The following AGAP6 variants were observed in gnomAD, a reference collection of about 807,000 sequenced individuals.
The protein encoded by AGAP6 is arf-GAP with GTPase, ANK repeat and PH domain-containing protein 6.
AGAP6 carries 29 observed loss-of-function variants against 63.9 expected under a neutral mutation model. The observed-to-expected ratio is 0.45, with a 90% CI of 0.34 to 0.62. The LOEUF (loss-of-function observed/expected upper bound fraction) is 0.62, where lower values mean the gene tolerates loss of function less well. Ranked by LOEUF, AGAP6 falls within the 20% of genes least tolerant of loss-of-function variation. The pLI, the probability that AGAP6 is intolerant of heterozygous loss-of-function variation, is 0.01. For missense variants in AGAP6, 493 were observed against 884.9 expected, an observed-to-expected ratio of 0.56 and a Z score of 5.62; for synonymous variants, 199 against 332.9, an observed-to-expected ratio of 0.60 and a Z score of 4.38.
chr10:49,991,834 G>A (rs1305108665), intron 3 of AGAP6, 90 bp downstream of exon 3: 5 of 1,565,736 alleles, frequency 3.2e-6, no homozygotes, highest in African/African-American at 2.8e-5. Flanking sequence ...ACTCATATTG[G>A]TTTAAATTTT....
rs1327952922 is a variant in AGAP6, at chr10:49,989,321, C to G, written c.237C>G (p.Asn79Lys). 1.5e-5 allele frequency: 24 copies of G among 1,597,276 alleles called. No homozygotes were observed. The highest frequency in any genetic ancestry group is 1.9e-5 in the Non-Finnish European group (22 of 1,179,752). The change falls in exon 2 of 8, where the codon AAC (asparagine) becomes AAG (lysine). Residue 79 changes from asparagine to lysine, a missense_variant. Asn to Lys is a moderately conservative substitution (Grantham distance 94). This residue lies in a region of AGAP6 where 342 missense variants were observed against 533.4 expected (regional missense o/e 0.64). Coordinates refer to ENST00000412531, the MANE Select transcript of AGAP6 (RefSeq NM_001077665.3). ...DREMPEALEF[N>K]LSANPESSTI... is the part of the protein sequence containing the mutation. ...CTATACATATAGCTTTGGAGTTTAA[C>G]CTTTCTGCCAATCCAGAGTCAAGCA... is the stretch of plus-strand genomic sequence containing the variant.
At chr10:50,008,656 A>C (rs2132165462) in intron 7 of AGAP6, 55 bp from the exon 8 acceptor site, 4 of 1,612,888 alleles carry the variant, frequency 2.5e-6, no homozygotes, top group Non-Finnish European at 3.4e-6. Flanking sequence ...TGTCTATAGG[A>C]CCCTGCAAGC....
intron 3 of AGAP6, among the ~76,000 whole-genome samples, chr10:49,993,153 C>G (rs1367389609): frequency 2.6e-5 from 4 of 152,186 alleles, no homozygotes; most frequent in African/African-American, 9.7e-5. Context: ...ACTGCCATTA[C>G]CCAAACACCT....
chr10:50,006,942 C>T (rs1399565097), intron 6 of AGAP6, among the ~76,000 whole-genome samples: 6 of 151,984 alleles, frequency 3.9e-5, no homozygotes, highest in Non-Finnish European at 8.8e-5. Flanking sequence ...ATTGGTACCA[C>T]TGCCTTGATT....
intron 6 of AGAP6, among the ~76,000 whole-genome samples, chr10:50,004,959 G>A (rs1200169816): frequency 6.6e-6 from 1 of 152,188 alleles, no homozygotes; most frequent in Admixed American, 6.5e-5. Context: ...GAATTATACA[G>A]TTGAAATTTT....
chr10:50,008,315 T>TG (rs1445036557), intron 7 of AGAP6, among the ~76,000 whole-genome samples: 8 of 149,694 alleles, frequency 5.3e-5, no homozygotes, highest in African/African-American at 1.5e-4. Flanking sequence ...TTTTTTTTTT[T>TG]TTTTATGGAC....
At chr10:49,990,374 G>A (rs1452039822) in intron 2 of AGAP6, among the ~76,000 whole-genome samples, 6 of 152,214 alleles carry the variant, frequency 3.9e-5, no homozygotes, top group Non-Finnish European at 8.8e-5. Flanking sequence ...GGACCTGGGA[G>A]GTGGAGGTTG....
intron 7 of AGAP6, 88 bp from the exon 8 acceptor site, chr10:50,008,623 C>A: frequency 6.6e-7 from 1 of 1,526,436 alleles, no homozygotes; most frequent in Non-Finnish European, 8.8e-7. Flanking sequence ...GAAAATGTAT[C>A]TTTTTAAAAG....
At position 49,988,924 on chromosome 10, in the gene AGAP6, G is replaced by A. The variant is rs61848260; in HGVS notation, c.209G>A (p.Arg70Gln). 0.43 allele frequency: 667,175 copies of A among 1,564,866 alleles called. 131,415 individuals are homozygous for A. The highest frequency in any genetic ancestry group is 0.57 in the African/African-American group (40,863 of 72,130). ...EDLHMHHVRD[R>Q]EMPEALEFNL... The stretch of plus-strand genomic sequence containing the variant: ...CTCCACATGCACCACGTTCGTGACC[G>A]GGAGATGCCTGAAGGTGAGGAGGTG... The change falls in exon 1 of 8, where the codon CGG (arginine) becomes CAG (glutamine). Residue 70 changes from arginine (R) to glutamine (Q), a missense_variant. Physicochemically the swap from Arg to Gln is conservative, Grantham distance 43 (BLOSUM62 1). Around this residue, in one of 7 missense-constraint regions of AGAP6, gnomAD observed 342 missense variants for 533.4 expected, o/e 0.64. Transcript: ENST00000412531.
At position 50,009,517 on chromosome 10, in the gene AGAP6, C is replaced by T. The variant is rs1842032242; in HGVS notation, c.1392C>T (p.Ala464=). 1.2e-6 allele frequency: 2 copies of T among 1,613,496 alleles called. No individual in the cohort carries two copies. Among genetic ancestry groups the T allele is most frequent in the East Asian group, 2.2e-5 (1 of 44,880 alleles). ...SKSQLTSQSE[A]MALQSIQNMR... is the part of the protein sequence containing the mutation. ...CCCAGCTGACCAGCCAGAGCGAGGCCATGGCCCTGCAGTCGATCCAAAACA... is the reference window on the plus strand; with the variant it reads ...CCCAGCTGACCAGCCAGAGCGAGGCTATGGCCCTGCAGTCGATCCAAAACA... The change falls in exon 8 of 8, where the codon GCC becomes GCT. Residue 464 remains alanine, a synonymous_variant. Coordinates refer to ENST00000412531, the MANE Select transcript of AGAP6 (RefSeq NM_001077665.3).
intron 2 of AGAP6, among the ~76,000 whole-genome samples, chr10:49,990,282 A>G (rs1165997452): frequency 2.0e-5 from 3 of 152,086 alleles, no homozygotes; most frequent in Non-Finnish European, 4.4e-5. Context: ...CTACTAAAAA[A>G]AAAAATACAA....
chr10:49,992,459 C>T (rs746150256), intron 3 of AGAP6, among the ~76,000 whole-genome samples: 13 of 152,126 alleles, frequency 8.5e-5, no homozygotes, highest in East Asian at 1.9e-4. Context: ...CAGTAAAACA[C>T]GGGAGTTTGC....
In AGAP6 at chr10:49,998,834, A is replaced by G. The variant is rs1214895354; in HGVS notation, c.397-3162A>G. Among the ~76,000 whole-genome samples, 2 of 138,726 alleles carry G rather than the reference A, an allele frequency of 1.4e-5. 1 individual carries two copies. The highest frequency in any genetic ancestry group is 5.5e-5 in the African/African-American group (2 of 36,180). The allele number at this position is 138,726 out of a possible 152,430, so 91.0% of individuals were successfully genotyped here. On this transcript the variant is annotated intron_variant, in intron 4 of 7. Transcript: ENST00000412531. ...TGGTCATTTTCACAATATTCATTCT[A>G]CCCATTCATGAGCATGGGGTGTCTT...
intron 3 of AGAP6, among the ~76,000 whole-genome samples, 191 bp downstream of exon 3, chr10:49,991,935 T>C (rs542959492): frequency 9.8e-5 from 15 of 152,306 alleles, no homozygotes; most frequent in Non-Finnish European, 1.8e-4. Context: ...GTAACCTTTT[T>C]GTTTATACAT....
chr10:50,003,594 A>G (rs1841793493), intron 5 of AGAP6, among the ~76,000 whole-genome samples: 1 of 152,198 alleles, frequency 6.6e-6, no homozygotes, highest in African/African-American at 2.4e-5. Flanking sequence ...ACGTTTACCA[A>G]GAACCTTGAT....
intron 2 of AGAP6, among the ~76,000 whole-genome samples, chr10:49,991,384 G>GCT (rs1841267885): frequency 1.8e-5 from 2 of 114,070 alleles, no homozygotes; most frequent in South Asian, 6.1e-4. Context: ...TACCTCTTCT[G>GCT]TTTTTTTTTT....
intron 6 of AGAP6, among the ~76,000 whole-genome samples, chr10:50,005,796 TGTAGTCCCA>T (rs1250629093): frequency 6.7e-6 from 1 of 149,178 alleles, no homozygotes; most frequent in Non-Finnish European, 1.5e-5. Context: ...GGTGCATGCC[TGTAGTCCCA>T]GTTACTTGGG....
At chr10:50,006,942 C>G (rs1399565097) in intron 6 of AGAP6, among the ~76,000 whole-genome samples, 1 of 151,984 alleles carries the variant, frequency 6.6e-6, no homozygotes, top group Non-Finnish European at 1.5e-5. Flanking sequence ...ATTGGTACCA[C>G]TGCCTTGATT....
At chr10:49,989,039 T>C in intron 1 of AGAP6, 101 bp downstream of exon 1, 1 of 1,596,786 alleles carries the variant, frequency 6.3e-7, no homozygotes, top group Non-Finnish European at 8.5e-7. Context: ...TCCTTTCTGC[T>C]TGTAGCCAGC....
Sources: gnomAD v4.1 joint callset for allele counts (sites outside exome capture counted in the v4.1 genomes callset) on GRCh38, gnomAD v4.1.1 for gene constraint, gnomAD v4.1.1 regional missense constraint, MANE v1.5 for transcripts, NCBI Gene and HGNC (gene_info 2026-07-23, HGNC 2026-07-21) for gene names.